Variants in ASTN2 observed in about 807,000 individuals in gnomAD.
The protein encoded by ASTN2 is astrotactin-2.
Under a neutral mutation model 139.8 loss-of-function variants are expected in ASTN2, and 54 were observed. The observed-to-expected ratio is 0.39, with a 90% CI of 0.31 to 0.48. The LOEUF (loss-of-function observed/expected upper bound fraction) is 0.48. ASTN2 is among the 20% of genes least tolerant of loss of function. ASTN2 has a pLI of 0.95. For missense variants in ASTN2, 1,565 were observed against 1,725.1 expected (o/e 0.91, Z 1.64); for synonymous variants, 756 against 719.5 (o/e 1.05, Z -0.81).
intron 20 of ASTN2, among the ~76,000 whole-genome samples, chr9:116,463,390 T>C (rs530896685): frequency 6.6e-6 from 1 of 152,288 alleles, no homozygotes; most frequent in Admixed American, 6.5e-5. Context: ...CACAAAGGGA[T>C]TTGACATCAG....
chr9:116,537,750 G>A (rs1168895323), intron 19 of ASTN2, among the ~76,000 whole-genome samples: 3 of 152,106 alleles, frequency 2.0e-5, no homozygotes, highest in Admixed American at 6.5e-5. Flanking sequence ...ATGCCCTGTG[G>A]GAACAGGATA....
Position 116,698,435 on chromosome 9 carries a change from A to C in ASTN2, c.2806+27336T>G, listed in dbSNP as rs368455215. 43 of 1,613,988 alleles carry C rather than the reference A, an allele frequency of 2.7e-5. No homozygotes were observed. The highest frequency in any genetic ancestry group is 2.3e-5 in the Non-Finnish European group (27 of 1,180,028). ...AGCAGAGTTACCTGCTTAACATTGC[A>C]GAGGTGCAGGCTGTGTCTCGCTGTG... is the stretch of plus-strand genomic sequence containing the variant. On this transcript the variant is annotated intron_variant, in intron 16 of 22. Transcript: ENST00000313400. The surrounding 1 kb of genome is among the most constrained non-coding windows in gnomAD (Gnocchi z 4.4).
At chr9:117,254,144 G>C (rs1023183300) in intron 2 of ASTN2, among the ~76,000 whole-genome samples, 18 of 152,110 alleles carry the variant, frequency 1.2e-4, no homozygotes, top group Non-Finnish European at 2.4e-4. Context: ...TTTTCCATCT[G>C]TCAAATGGGG....
chr9:116,764,892 C>T (rs1392924466), intron 13 of ASTN2, among the ~76,000 whole-genome samples: 3 of 152,136 alleles, frequency 2.0e-5, no homozygotes, highest in Non-Finnish European at 4.4e-5. Context: ...CTAATGCAGA[C>T]ATCAGTCTAA....
At chr9:116,607,430 G>A (rs1220179566) in intron 19 of ASTN2, among the ~76,000 whole-genome samples, 1 of 152,096 alleles carries the variant, frequency 6.6e-6, no homozygotes, top group East Asian at 1.9e-4. Context: ...ACAGAAGCAT[G>A]TATGTCACTG....
intron 5 of ASTN2, among the ~76,000 whole-genome samples, chr9:117,064,195 T>C (rs1332353298): frequency 6.6e-6 from 1 of 151,696 alleles, no homozygotes; most frequent in Non-Finnish European, 1.5e-5. Flanking sequence ...AAATACCAAT[T>C]AAAGATTAAC....
chr9:116,632,625 C>T (rs1440970972), intron 17 of ASTN2, among the ~76,000 whole-genome samples: 1 of 152,156 alleles, frequency 6.6e-6, no homozygotes, highest in Non-Finnish European at 1.5e-5. Flanking sequence ...TGTCATGGAC[C>T]AGGGAGGCAA....
At chr9:117,281,643 G>A (rs1043826835) in intron 2 of ASTN2, among the ~76,000 whole-genome samples, 1 of 152,142 alleles carries the variant, frequency 6.6e-6, no homozygotes, top group South Asian at 2.1e-4. Flanking sequence ...TGGAACAGGA[G>A]GCTGGGGCAG....
At chr9:117,099,998 T>C (rs1005775693) in intron 4 of ASTN2, among the ~76,000 whole-genome samples, 1 of 152,222 alleles carries the variant, frequency 6.6e-6, no homozygotes, top group Non-Finnish European at 1.5e-5. Flanking sequence ...TGTGCCTATG[T>C]GTGCACACAC....
At chr9:116,657,099 G>A (rs1858262662) in intron 16 of ASTN2, among the ~76,000 whole-genome samples, 1 of 152,168 alleles carries the variant, frequency 6.6e-6, no homozygotes, top group African/African-American at 2.4e-5. Context: ...CCTGTTGGAA[G>A]AAAGCAATTG....
intron 19 of ASTN2, among the ~76,000 whole-genome samples, chr9:116,614,758 ACCATAAAAAC>A (rs1855750892): frequency 1.3e-5 from 2 of 152,180 alleles, no homozygotes; most frequent in Admixed American, 1.3e-4. Flanking sequence ...TAGACCTAAA[ACCATAAAAAC>A]CCTAGAAGAA....
intron 1 of ASTN2, among the ~76,000 whole-genome samples, chr9:117,339,615 T>C (rs1345664696): frequency 6.6e-6 from 1 of 152,150 alleles, no homozygotes; most frequent in African/African-American, 2.4e-5. Context: ...CCCAACAGCT[T>C]CCCTGAGACC....
chr9:117,180,248 C>A (rs1588047058), intron 3 of ASTN2, among the ~76,000 whole-genome samples: 1 of 152,184 alleles, frequency 6.6e-6, no homozygotes, highest in East Asian at 1.9e-4. Context: ...CTCCCTGGGG[C>A]CTCCCAGATA....
At chr9:116,791,004 A>G (rs1182112370) in intron 13 of ASTN2, among the ~76,000 whole-genome samples, 4 of 124,260 alleles carry the variant, frequency 3.2e-5, no homozygotes, top group African/African-American at 1.2e-4. Context: ...AGAAAGAAAG[A>G]AAGAAAGAAA....
intron 2 of ASTN2, among the ~76,000 whole-genome samples, chr9:117,231,547 A>T (rs1432283443): frequency 2.0e-5 from 3 of 152,194 alleles, no homozygotes; most frequent in Non-Finnish European, 4.4e-5. Context: ...CATTGGTTTG[A>T]ATTGATTTAA....
intron 10 of ASTN2, among the ~76,000 whole-genome samples, chr9:116,963,458 G>A (rs1835922971): frequency 6.6e-6 from 1 of 152,128 alleles, no homozygotes; most frequent in Non-Finnish European, 1.5e-5. Context: ...TTTTTATTTT[G>A]AGGCAGTTGA....
intron 19 of ASTN2, among the ~76,000 whole-genome samples, chr9:116,517,006 C>T (rs538069448): frequency 9.2e-5 from 14 of 152,178 alleles, no homozygotes; most frequent in Non-Finnish European, 1.6e-4. Context: ...CTTATCCCTG[C>T]CCCCACCTGG....
chr9:116,982,116 T>A (rs1564370105), intron 7 of ASTN2, among the ~76,000 whole-genome samples: 1 of 152,236 alleles, frequency 6.6e-6, no homozygotes, highest in East Asian at 1.9e-4. Flanking sequence ...AGGACAATGC[T>A]TTCTTGCCAA....
intron 5 of ASTN2, among the ~76,000 whole-genome samples, chr9:117,080,741 G>T (rs779647240): frequency 1.3e-5 from 2 of 152,154 alleles, no homozygotes; most frequent in African/African-American, 4.8e-5. Context: ...AGAGCAGAGA[G>T]ATGAGCTTAG....
Sources: allele counts gnomAD v4.1 joint callset (sites outside exome capture counted in the v4.1 genomes callset), GRCh38; gene constraint gnomAD v4.1.1; non-coding constraint Gnocchi (gnomAD v3.1); transcripts MANE v1.5; gene names NCBI Gene and HGNC (gene_info 2026-07-23, HGNC 2026-07-21).